The following LRRC17 variants were observed in gnomAD, a reference collection of about 807,000 sequenced individuals.
The protein encoded by LRRC17 is leucine-rich repeat-containing protein 17.
In LRRC17, 33 loss-of-function variants were observed where a neutral mutation model predicts 41.5. That is an observed-to-expected ratio of 0.80 (90% CI 0.60 to 1.06). The LOEUF (loss-of-function observed/expected upper bound fraction) is 1.06, where lower values mean the gene tolerates loss of function less well. Ranked by LOEUF, LRRC17 falls within the 50% of genes least tolerant of loss-of-function variation. The pLI is 0.00. For synonymous variants in LRRC17, 192 were observed against 197.0 expected, an observed-to-expected ratio of 0.97 and a Z score of 0.21; for missense variants, 491 against 519.3, an observed-to-expected ratio of 0.95 and a Z score of 0.53.
chr7:102,926,122 G>T, intron 1 of LRRC17: 1 of 627,504 alleles, frequency 1.6e-6, no homozygotes, highest in Non-Finnish European at 2.7e-6. Flanking sequence ...CCAGCTTAGG[G>T]ACTTGAAAGC....
At chr7:102,922,908 G>A (rs1197052849) in intron 1 of LRRC17, among the ~76,000 whole-genome samples, 2 of 152,120 alleles carry the variant, frequency 1.3e-5, no homozygotes, top group Non-Finnish European at 2.9e-5. Flanking sequence ...AACCCGGGAG[G>A]CGGAGCTTGC....
chr7:102,939,512 C>T lies in LRRC17; in HGVS notation c.855C>T (p.Pro285=). 1 of 1,613,888 alleles carries T rather than the reference C, an allele frequency of 6.2e-7. No homozygotes were observed. The highest frequency in any genetic ancestry group is 8.5e-7 in the Non-Finnish European group (1 of 1,179,888). ...LSYNKINQLR[P]KEFEDVHELK... is the part of the protein sequence containing the mutation. ...ACAATAAAATCAACCAACTTCGACC[C>T]AAGGAATTTGAAGATGTTCATGAGC... The change falls in exon 3 of 4, where the codon CCC becomes CCT. Residue 285 remains proline, a synonymous_variant. Transcript: ENST00000339431.
intron 1 of LRRC17, among the ~76,000 whole-genome samples, chr7:102,916,992 A>G (rs1038597707): frequency 3.9e-5 from 6 of 152,132 alleles, no homozygotes; most frequent in African/African-American, 1.4e-4. Context: ...AGATGAATGG[A>G]AAAGTATGTA....
chr7:102,935,741 A>G (rs555625048), intron 2 of LRRC17, among the ~76,000 whole-genome samples: 1 of 152,286 alleles, frequency 6.6e-6, no homozygotes, highest in African/African-American at 2.4e-5. Flanking sequence ...AACAATGTCT[A>G]TATGTTTCAT....
At chr7:102,923,962 G>C (rs1338706769) in intron 1 of LRRC17, among the ~76,000 whole-genome samples, 1 of 152,028 alleles carries the variant, frequency 6.6e-6, no homozygotes, top group Non-Finnish European at 1.5e-5. Flanking sequence ...AAACTAGGCT[G>C]GGCGCAGTGG....
chr7:102,936,830 A>G (rs1421155164), intron 2 of LRRC17, among the ~76,000 whole-genome samples: 4 of 152,234 alleles, frequency 2.6e-5, no homozygotes, highest in Non-Finnish European at 5.9e-5. Context: ...CTAAGAAGAG[A>G]TAACATGTGA....
At chr7:102,913,602 A>G (rs1815208245) in intron 1 of LRRC17, among the ~76,000 whole-genome samples, 1 of 152,200 alleles carries the variant, frequency 6.6e-6, no homozygotes, top group Non-Finnish European at 1.5e-5. Flanking sequence ...TGGAGTACCA[A>G]AATAATGTGC....
At chr7:102,929,460 G>A (rs1331296552) in intron 1 of LRRC17, among the ~76,000 whole-genome samples, 2 of 151,904 alleles carry the variant, frequency 1.3e-5, no homozygotes, top group East Asian at 1.9e-4. Context: ...TCAGGAGTTC[G>A]AGACCAGCCT....
intron 1 of LRRC17, among the ~76,000 whole-genome samples, chr7:102,926,842 A>ATG (rs1204802644): frequency 2.0e-5 from 3 of 152,204 alleles, no homozygotes; most frequent in Admixed American, 6.5e-5. Context: ...TTATACATAG[A>ATG]TGTGTGTGTA....
rs71106700 is a variant in LRRC17 at position 102,935,242 on chromosome 7, C to CT, written c.772+584dup. Among the ~76,000 whole-genome samples the CT allele has an allele frequency of 1.5e-3, 112 of 76,420 alleles. 8 individuals are homozygous for CT. The highest frequency in any genetic ancestry group is 5.9e-3 in the African/African-American group (103 of 17,344). 50.1% of individuals were successfully genotyped at this position (76,420 alleles called of 152,430 possible). A position where few individuals can be genotyped will look rare whatever the true frequency, so the allele number is the denominator to read the frequency against. ...CTCATGCTCCTTTTTTTTTTTCTTT[C>CT]TTTTTTTTTTTTTTTTTTTTTTTTT... is the stretch of plus-strand genomic sequence containing the variant. On this transcript the variant is annotated intron_variant, in intron 2 of 3. Transcript: ENST00000339431.
intron 1 of LRRC17, among the ~76,000 whole-genome samples, chr7:102,922,255 T>C (rs1404087884): frequency 6.6e-6 from 1 of 151,702 alleles, no homozygotes; most frequent in Non-Finnish European, 1.5e-5. Flanking sequence ...AAAGCAAATA[T>C]AGAATAGTTG....
intron 1 of LRRC17, among the ~76,000 whole-genome samples, chr7:102,923,860 A>T (rs1001180616): frequency 3.3e-5 from 5 of 152,116 alleles, no homozygotes; most frequent in Admixed American, 6.5e-5. Flanking sequence ...TTTTAGATAT[A>T]TAAGAAGGAA....
intron 1 of LRRC17, among the ~76,000 whole-genome samples, chr7:102,923,653 T>G (rs1817523122): frequency 6.6e-6 from 1 of 151,530 alleles, no homozygotes; most frequent in South Asian, 2.1e-4. Context: ...AAACCCCATC[T>G]CTACTAAAAA....
intron 1 of LRRC17, among the ~76,000 whole-genome samples, chr7:102,922,189 CAAA>C (rs764424966): frequency 1.2e-5 from 1 of 82,542 alleles, no homozygotes. Context: ...GACTCTGTCT[CAAA>C]AAAAAAAAAA....
In LRRC17 at chr7:102,934,433, C is replaced by G; in HGVS notation, c.520C>G (p.Leu174Val). ...GCACTGTACTTGTGAGATAGAAACGCTTATTTCAATGTTGCAGATTCCCAG... is the reference window on the plus strand; with the variant it reads ...GCACTGTACTTGTGAGATAGAAACGGTTATTTCAATGTTGCAGATTCCCAG... ...PWHCTCEIET[L>V]ISMLQIPRNR... Residue 174 changes from leucine (L) to valine (V), a missense_variant, in exon 2 of 4, where the codon CTT becomes GTT. Leu to Val is a conservative substitution (Grantham distance 32). Coordinates refer to ENST00000339431, the MANE Select transcript of LRRC17 (RefSeq NM_001031692.3). The G allele has an allele frequency of 6.2e-7, 1 of 1,614,194 alleles. No individual in the cohort carries two copies. The highest frequency in any genetic ancestry group is 8.5e-7 in the Non-Finnish European group (1 of 1,180,038).
intron 3 of LRRC17, 68 bp downstream of exon 3, chr7:102,939,653 T>A: frequency 7.5e-7 from 1 of 1,327,670 alleles, no homozygotes; most frequent in Non-Finnish European, 1.0e-6. Flanking sequence ...ATGGCAACAC[T>A]TATATACAGT....
chr7:102,929,670 A>AT (rs1053118868), intron 1 of LRRC17, among the ~76,000 whole-genome samples: 1 of 151,274 alleles, frequency 6.6e-6, no homozygotes, highest in African/African-American at 2.4e-5. Context: ...TCTCAAAAAA[A>AT]AAAAAAAAAA....
At chr7:102,930,184 A>C (rs1439875482) in intron 1 of LRRC17, among the ~76,000 whole-genome samples, 1 of 152,192 alleles carries the variant, frequency 6.6e-6, no homozygotes, top group Non-Finnish European at 1.5e-5. Flanking sequence ...TGTAAAAATG[A>C]GGCTGAGAGG....
At position 102,939,509 on chromosome 7, in the gene LRRC17, A is replaced by T. The variant is rs1453365775; in HGVS notation, c.852A>T (p.Arg284=). ...DLSYNKINQL[R]PKEFEDVHEL... ...CATACAATAAAATCAACCAACTTCG[A>T]CCCAAGGAATTTGAAGATGTTCATG... Residue 284 remains arginine (R), a synonymous_variant, in exon 3 of 4, where the codon CGA becomes CGT. Coordinates refer to ENST00000339431, the MANE Select transcript of LRRC17 (RefSeq NM_001031692.3). 4 of 1,613,898 alleles carry T rather than the reference A, an allele frequency of 2.5e-6. No homozygotes were observed. The African/African-American group carries it at 5.3e-5, about 22-fold the overall frequency.
Sources: gnomAD v4.1 joint callset for allele counts (sites outside exome capture counted in the v4.1 genomes callset) on GRCh38, gnomAD v4.1.1 for gene constraint, MANE v1.5 for transcripts, NCBI Gene and HGNC (gene_info 2026-07-23, HGNC 2026-07-21) for gene names.